The following ELAC1 variants were observed in gnomAD, a reference collection of about 807,000 sequenced individuals.
The protein encoded by ELAC1 is elaC ribonuclease Z 1, also known as zinc phosphodiesterase ELAC protein 1.
A neutral mutation model predicts 25.8 loss-of-function variants in ELAC1; 19 were observed. The ratio of observed to expected loss-of-function variants is 0.74; its 90% CI spans 0.51 to 1.08. The LOEUF is 1.08. Ranked by LOEUF, ELAC1 falls within the 50% of genes least tolerant of loss-of-function variation. The probability of loss-of-function intolerance (pLI) is 0.00; values close to 1 mark genes in which losing one functional copy is unlikely to be tolerated. For missense variants in ELAC1, 403 were observed against 434.6 expected (o/e 0.93, Z 0.65); for synonymous variants, 148 against 160.9 (o/e 0.92, Z 0.61).
chr18:50,979,337 A>G (rs1054928500), intron 2 of ELAC1, among the ~76,000 whole-genome samples: 1 of 152,062 alleles, frequency 6.6e-6, no homozygotes, highest in Non-Finnish European at 1.5e-5. Flanking sequence ...TGGGGTTACA[A>G]TTTCATCAGA....
intron 2 of ELAC1, 108 bp downstream of exon 2, chr18:50,974,669 A>G: frequency 9.7e-7 from 1 of 1,034,560 alleles, no homozygotes; most frequent in Non-Finnish European, 1.5e-6. Context: ...GTTGCATCCC[A>G]CTTCAGTGCT....
chr18:50,986,528 C>G (rs1490683146), intron 3 of ELAC1, 91 bp from the exon 4 acceptor site: 1 of 974,914 alleles, frequency 1.0e-6, no homozygotes, highest in Non-Finnish European at 1.5e-6. Flanking sequence ...GATGCCTTTT[C>G]CATTAGCTAT....
chr18:50,983,129 T>A (rs538364511), intron 2 of ELAC1, among the ~76,000 whole-genome samples: 1 of 151,090 alleles, frequency 6.6e-6, no homozygotes, highest in East Asian at 1.9e-4. Context: ...TGAATTATTT[T>A]GGTACACTTG....
In ELAC1 at chr18:50,984,315, C is replaced by T; in HGVS notation, c.377C>T (p.Thr126Ile). ...FHYVVHELVP[T>I]ADQCPAEELK... ...TATGTGGTTCATGAACTGGTTCCTA[C>T]AGCAGATCAATGTCCTGCAGAAGAA... is the stretch of plus-strand genomic sequence containing the variant. The change falls in exon 3 of 4, where the codon ACA becomes ATA. Residue 126 changes from threonine to isoleucine, a missense_variant. Transcript: ENST00000269466. The T allele has an allele frequency of 6.2e-7, 1 of 1,614,180 alleles. No homozygotes were observed. The highest frequency in any genetic ancestry group is 1.6e-4 in the Middle Eastern group (1 of 6,062).
intron 2 of ELAC1, among the ~76,000 whole-genome samples, chr18:50,981,725 G>C (rs1313205704): frequency 6.6e-6 from 1 of 152,138 alleles, no homozygotes; most frequent in Non-Finnish European, 1.5e-5. Context: ...CGAGTTCACA[G>C]GTTGTTTTGG....
chr18:50,971,900 G>A (rs1214957349), intron 1 of ELAC1, among the ~76,000 whole-genome samples: 1 of 102,962 alleles, frequency 9.7e-6, no homozygotes, highest in African/African-American at 6.7e-5. Context: ...GTATATATGT[G>A]TGTGTGTGTG....
chr18:50,971,908 G>GTATATATATATA (rs755062125), intron 1 of ELAC1, among the ~76,000 whole-genome samples: 244 of 127,122 alleles, frequency 1.9e-3, no homozygotes, highest in African/African-American at 7.7e-3. Flanking sequence ...GTGTGTGTGT[G>GTATATATATATA]TGTGTATATA....
At chr18:50,986,192 G>A (rs907007988) in intron 3 of ELAC1, among the ~76,000 whole-genome samples, 5 of 151,560 alleles carry the variant, frequency 3.3e-5, no homozygotes, top group African/African-American at 7.3e-5. Flanking sequence ...CCTCGGCCTC[G>A]CACAATGCTA....
rs770476413 is a variant in ELAC1, at chr18:50,986,993, G to C, written c.1000G>C (p.Glu334Gln). ...AREGETDGIA[E>Q]LKKQAESVLD... ...AGAAGGAGAAACAGATGGCATTGCA[G>C]AACTAAAAAAGCAAGCTGAATCAGT... The change falls in exon 4 of 4, where the codon GAA (glutamate) becomes CAA (glutamine). Residue 334 changes from glutamate to glutamine, a missense_variant. Physicochemically the swap from Glu to Gln is conservative, Grantham distance 29 (BLOSUM62 2). Coordinates refer to ENST00000269466, the MANE Select transcript of ELAC1 (RefSeq NM_018696.3). 4.3e-5 allele frequency: 69 copies of C among 1,612,914 alleles called. No individual in the cohort carries two copies. Among genetic ancestry groups the C allele is most frequent in the Non-Finnish European group, 4.7e-5 (56 of 1,179,652 alleles).
Position 50,974,484 on chromosome 18 carries a change from G to T in ELAC1, c.80G>T (p.Arg27Leu). The change falls in exon 2 of 4, where the codon CGG becomes CTG. Residue 27 changes from arginine (R) to leucine (L), a missense_variant. Coordinates refer to ENST00000269466, the MANE Select transcript of ELAC1 (RefSeq NM_018696.3). ...CGGGGTGCCTCTGCTGTGGTCCTTCGGTGTGAAGGCGAGTGCTGGCTCTTT... is the reference window on the plus strand; with the variant it reads ...CGGGGTGCCTCTGCTGTGGTCCTTCTGTGTGAAGGCGAGTGCTGGCTCTTT... ...PTRGASAVVL[R>L]CEGECWLFDC... 6.2e-7 allele frequency: 1 copy of T among 1,610,512 alleles called. No homozygotes were observed. The highest frequency in any genetic ancestry group is 8.5e-7 in the Non-Finnish European group (1 of 1,178,574).
In ELAC1 at chr18:50,986,980, A is replaced by G. The variant is rs758743380; in HGVS notation, c.987A>G (p.Thr329=). The G allele has an allele frequency of 8.1e-6, 13 of 1,613,824 alleles. No homozygotes were observed. Among genetic ancestry groups the G allele is most frequent in the South Asian group, 7.7e-5 (7 of 91,034 alleles). ...TTGCCTTGGCCAGAGAAGGAGAAAC[A>G]GATGGCATTGCAGAACTAAAAAAGC... The part of the protein sequence containing the change: ...KPVALAREGE[T]DGIAELKKQA... The change falls in exon 4 of 4, where the codon ACA becomes ACG. Residue 329 remains threonine, a synonymous_variant. Transcript: ENST00000269466.
intron 1 of ELAC1, among the ~76,000 whole-genome samples, chr18:50,973,820 G>A (rs1398279886): frequency 6.6e-6 from 1 of 151,976 alleles, no homozygotes; most frequent in East Asian, 1.9e-4. Context: ...TATATGTTCA[G>A]AAGCTTAAGG....
In ELAC1 at chr18:50,986,807, T is replaced by G. The variant is rs776502977; in HGVS notation, c.814T>G (p.Leu272Val). The G allele has an allele frequency of 6.2e-7, 1 of 1,614,162 alleles. No homozygotes were observed. Among genetic ancestry groups the G allele is most frequent in the Non-Finnish European group, 8.5e-7 (1 of 1,180,028 alleles). ...GVKLCFEADL[L>V]IHEATLDDAQ... ...AAAACTGTGCTTTGAAGCAGACCTG[T>G]TGATCCACGAAGCAACCCTGGATGA... is the stretch of plus-strand genomic sequence containing the variant. The change falls in exon 4 of 4, where the codon TTG becomes GTG. Residue 272 changes from leucine (L) to valine (V), a missense_variant. Physicochemically the swap from Leu to Val is conservative, Grantham distance 32 (BLOSUM62 1). Transcript: ENST00000269466.
rs1908041408 is a variant in ELAC1 at position 50,984,327 on chromosome 18, G to A, written c.389G>A (p.Cys130Tyr). The change falls in exon 3 of 4, where the codon TGT (cysteine) becomes TAT (tyrosine). Residue 130 changes from cysteine to tyrosine, a missense_variant. Transcript: ENST00000269466. The stretch of plus-strand genomic sequence containing the variant: ...GAACTGGTTCCTACAGCAGATCAAT[G>A]TCCTGCAGAAGAACTAAAAGAATTT... ...VHELVPTADQ[C>Y]PAEELKEFAH... is the part of the protein sequence containing the mutation. The A allele has an allele frequency of 1.2e-5, 20 of 1,614,194 alleles. No homozygotes were observed. Among genetic ancestry groups the A allele is most frequent in the Non-Finnish European group, 1.7e-5 (20 of 1,180,022 alleles).
chr18:50,984,239 G>T lies in ELAC1; in HGVS notation c.301G>T (p.Asp101Tyr). 1 of 1,614,130 alleles carries T rather than the reference G, an allele frequency of 6.2e-7. No homozygotes were observed. The highest frequency in any genetic ancestry group is 8.5e-7 in the Non-Finnish European group (1 of 1,180,028). Residue 101 changes from aspartate (D) to tyrosine (Y), a missense_variant, in exon 3 of 4, where the codon GAC (aspartate) becomes TAC (tyrosine). By Grantham distance (160) the Asp-to-Tyr change is radical. Coordinates refer to ENST00000269466, the MANE Select transcript of ELAC1 (RefSeq NM_018696.3). ...AATCTATGGCCCTGTAGGGCTTCGG[G>T]ACTTTATCTGGCGAACCATGGAACT... ...IEIYGPVGLR[D>Y]FIWRTMELSH... is the part of the protein sequence containing the mutation.
intron 2 of ELAC1, among the ~76,000 whole-genome samples, chr18:50,983,155 G>GTTTTTTTTT (rs552455433): frequency 1.8e-4 from 11 of 60,876 alleles, no homozygotes; most frequent in African/African-American, 5.0e-4. Flanking sequence ...TTTACTTGGT[G>GTTTTTTTTT]TTTTTTTTTT....
intron 1 of ELAC1, among the ~76,000 whole-genome samples, chr18:50,972,537 A>G (rs1907695281): frequency 6.6e-6 from 1 of 152,172 alleles, no homozygotes; most frequent in Admixed American, 6.5e-5. Context: ...GCTGGAGTGC[A>G]ATTGTGCAAT....
At chr18:50,973,510 C>T (rs1488121634) in intron 1 of ELAC1, among the ~76,000 whole-genome samples, 3 of 152,112 alleles carry the variant, frequency 2.0e-5, no homozygotes, top group African/African-American at 7.2e-5. Flanking sequence ...GGGAGTGAGA[C>T]ATTTGTTCAG....
chr18:50,985,894 A>C (rs1024176654), intron 3 of ELAC1, among the ~76,000 whole-genome samples: 2 of 152,186 alleles, frequency 1.3e-5, no homozygotes, highest in Non-Finnish European at 2.9e-5. Context: ...AAGAAGACTA[A>C]TAATGTACAA....
Sources: allele counts gnomAD v4.1 joint callset (sites outside exome capture counted in the v4.1 genomes callset), GRCh38; gene constraint gnomAD v4.1.1; transcripts MANE v1.5; gene names NCBI Gene and HGNC (gene_info 2026-07-23, HGNC 2026-07-21).